TMEM45A: variants seen among roughly 807,000 people sequenced by gnomAD.
The protein encoded by TMEM45A is DNA polymerase-transactivated protein 4.
A neutral mutation model predicts 32.0 loss-of-function variants in TMEM45A; 25 were observed. The ratio of observed to expected loss-of-function variants is 0.78; its 90% CI spans 0.57 to 1.09. The LOEUF is 1.09. TMEM45A is among the 50% of genes least tolerant of loss of function. The probability of loss-of-function intolerance (pLI) is 0.00; values close to 1 mark genes in which losing one functional copy is unlikely to be tolerated. For synonymous variants in TMEM45A, 122 were observed against 114.8 expected, an observed-to-expected ratio of 1.06 and a Z score of -0.40; for missense variants, 302 against 325.0, an observed-to-expected ratio of 0.93 and a Z score of 0.54.
At position 100,577,188 on chromosome 3, in the gene TMEM45A, C is replaced by T. The variant is rs531791924; in HGVS notation, c.*170C>T. On this transcript the variant is annotated 3_prime_UTR_variant, in exon 6 of 6. Coordinates refer to ENST00000323523, the MANE Select transcript of TMEM45A (RefSeq NM_018004.3). ...TTGAATTTAAATATTTTCTTTTTAGCTTTGAAAATATTTTGGGTGATACTT... is the reference window on the plus strand; with the variant it reads ...TTGAATTTAAATATTTTCTTTTTAGTTTTGAAAATATTTTGGGTGATACTT... 4 of 539,986 alleles carry T rather than the reference C, an allele frequency of 7.4e-6. No homozygotes were observed. The highest frequency in any genetic ancestry group is 1.3e-5 in the Non-Finnish European group (4 of 317,438). The allele number at this position is 539,986 out of a possible 1,614,324, so 33.4% of individuals were successfully genotyped here.
chr3:100,536,058 G>A (rs56083064), intron 1 of TMEM45A, among the ~76,000 whole-genome samples: 1 of 152,112 alleles, frequency 6.6e-6, no homozygotes, highest in African/African-American at 2.4e-5. Context: ...AATATCCATA[G>A]ATATTTTTGG....
intron 1 of TMEM45A, among the ~76,000 whole-genome samples, chr3:100,515,906 A>G (rs1009559215): frequency 6.6e-6 from 1 of 152,192 alleles, no homozygotes; most frequent in Non-Finnish European, 1.5e-5. Context: ...ATATAGAAAA[A>G]TAAGTTCTAG....
intron 4 of TMEM45A, among the ~76,000 whole-genome samples, chr3:100,563,962 C>T (rs1273685083): frequency 1.3e-5 from 2 of 152,210 alleles, no homozygotes; most frequent in African/African-American, 4.8e-5. Flanking sequence ...CACATCTTGC[C>T]TTTAGAATAT....
chr3:100,576,932 A>C lies in TMEM45A; in HGVS notation c.742A>C (p.Lys248Gln). The change falls in exon 6 of 6, where the codon AAA (lysine) becomes CAA (glutamine). Residue 248 changes from lysine (K) to glutamine (Q), a missense_variant. By Grantham distance (53) the Lys-to-Gln change is moderately conservative. Coordinates refer to ENST00000323523, the MANE Select transcript of TMEM45A (RefSeq NM_018004.3). The part of the protein sequence containing the change: ...MNYAFITWLV[K>Q]SRLKRLCSSE... ...GCTTTTCTTTCTCCTCAGGTTGGTTAAATCTAGACTTAAGAGGCTCTGCTC... is the reference window on the plus strand; with the variant it reads ...GCTTTTCTTTCTCCTCAGGTTGGTTCAATCTAGACTTAAGAGGCTCTGCTC... 4.3e-6 allele frequency: 7 copies of C among 1,612,316 alleles called. No individual in the cohort carries two copies. The highest frequency in any genetic ancestry group is 5.9e-6 in the Non-Finnish European group (7 of 1,179,164).
chr3:100,554,163 C>T (rs766694765), intron 1 of TMEM45A, among the ~76,000 whole-genome samples: 4 of 151,822 alleles, frequency 2.6e-5, no homozygotes, highest in Non-Finnish European at 5.9e-5. Context: ...TAATTAAAAA[C>T]TCACATAATT....
At chr3:100,526,388 C>G (rs1206494257) in intron 1 of TMEM45A, among the ~76,000 whole-genome samples, 8 of 152,182 alleles carry the variant, frequency 5.3e-5, no homozygotes. Context: ...GCCAGGCATA[C>G]TTGAGTCATC....
intron 1 of TMEM45A, among the ~76,000 whole-genome samples, chr3:100,554,873 C>T (rs375599251): frequency 2.2e-4 from 33 of 152,300 alleles, no homozygotes; most frequent in African/African-American, 7.0e-4. Flanking sequence ...GGTCTAACCT[C>T]TCTAAATGAG....
In TMEM45A at chr3:100,492,755, T is replaced by TCCCCCCCCCCC. The variant is rs755848570; in HGVS notation, c.-175_-174insCCCCCCCCCCC. 25 of 143,510 alleles carry TCCCCCCCCCCC rather than the reference T, an allele frequency of 1.7e-4. No homozygotes were observed. Among genetic ancestry groups the TCCCCCCCCCCC allele is most frequent in the African/African-American group, 2.4e-4 (9 of 36,828 alleles). The allele number at this position is 143,510 out of a possible 1,614,324, so 8.9% of individuals were successfully genotyped here. ...CGACTAGGGACCCAAGTTTAAAAAT[T>TCCCCCCCCCCC]CCTCCCCCCACCCAATGCGAGACGT... On this transcript the variant is annotated 5_prime_UTR_variant, in exon 1 of 6. Coordinates refer to ENST00000323523, the MANE Select transcript of TMEM45A (RefSeq NM_018004.3).
intron 1 of TMEM45A, among the ~76,000 whole-genome samples, chr3:100,539,622 C>T (rs1705824909): frequency 1.3e-5 from 2 of 152,046 alleles, no homozygotes; most frequent in African/African-American, 4.8e-5. Context: ...GTGTCCAAAG[C>T]CCTGAGGACC....
chr3:100,543,946 T>C lies in TMEM45A; in HGVS notation c.-3-11263T>C, dbSNP rs1450565976. Reference sequence around the variant, plus strand: ...CATCTGTAAAATGGGGGCGATAGCATTACCTATTTCAGAGGTTTGTTTTGA... The same window carrying C: ...CATCTGTAAAATGGGGGCGATAGCACTACCTATTTCAGAGGTTTGTTTTGA... On this transcript the variant is annotated intron_variant, in intron 1 of 5. Coordinates refer to ENST00000323523, the MANE Select transcript of TMEM45A (RefSeq NM_018004.3). Among the ~76,000 whole-genome samples, 11 of 152,288 alleles carry C rather than the reference T, an allele frequency of 7.2e-5. No individual in the cohort carries two copies. The South Asian group carries it at 1.0e-3, about 14-fold the overall frequency.
At chr3:100,571,791 T>C (rs1706567224) in intron 5 of TMEM45A, 2 of 152,150 alleles carry the variant, frequency 1.3e-5, no homozygotes, top group South Asian at 4.1e-4. Context: ...GATGTTCCCC[T>C]TCTTGTGTCC....
chr3:100,535,897 A>G (rs540731277), intron 1 of TMEM45A, among the ~76,000 whole-genome samples: 6 of 152,240 alleles, frequency 3.9e-5, no homozygotes, highest in Non-Finnish European at 7.3e-5. Context: ...TGGATAAAAT[A>G]GTTAACAGCT....
At chr3:100,533,155 G>A (rs1005744788) in intron 1 of TMEM45A, among the ~76,000 whole-genome samples, 2 of 151,982 alleles carry the variant, frequency 1.3e-5, no homozygotes, top group Non-Finnish European at 2.9e-5. Context: ...TGCAGTTGGC[G>A]AGGTCAACCA....
chr3:100,573,304 A>T (rs1706610410), intron 5 of TMEM45A: 1 of 151,660 alleles, frequency 6.6e-6, no homozygotes, highest in Admixed American at 6.6e-5. Flanking sequence ...TTCTCCTTGA[A>T]GAGGTCCTTC....
Position 100,577,203 on chromosome 3 carries a change from G to T in TMEM45A, c.*185G>T. On this transcript the variant is annotated 3_prime_UTR_variant, in exon 6 of 6. Coordinates refer to ENST00000323523, the MANE Select transcript of TMEM45A (RefSeq NM_018004.3). ...TTCTTTTTAGCTTTGAAAATATTTTGGGTGATACTTTCATTTTGCACATCA... is the reference window on the plus strand; with the variant it reads ...TTCTTTTTAGCTTTGAAAATATTTTTGGTGATACTTTCATTTTGCACATCA... The T allele has an allele frequency of 2.0e-6, 1 of 509,634 alleles. No homozygotes were observed. The highest frequency in any genetic ancestry group is 2.5e-5 in the South Asian group (1 of 39,680). 31.6% of individuals were successfully genotyped at this position (509,634 alleles called of 1,614,324 possible).
chr3:100,520,180 T>A (rs4075020), intron 1 of TMEM45A, among the ~76,000 whole-genome samples: 60,304 of 151,956 alleles, frequency 0.4, 15,510 homozygotes, highest in African/African-American at 0.71. Flanking sequence ...TGTTACAGGG[T>A]AAATAAAGCA....
At chr3:100,513,959 G>C (rs374074098) in intron 1 of TMEM45A, among the ~76,000 whole-genome samples, 4 of 152,038 alleles carry the variant, frequency 2.6e-5, no homozygotes, top group Non-Finnish European at 5.9e-5. Context: ...ACAAACCACT[G>C]CTCAAGGAAA....
rs139023032 is a variant in TMEM45A at position 100,501,679 on chromosome 3, A to G, written c.-4+8751A>G. ...CTGAAAGGTGGAATCTTTCTCACCA[A>G]TATTTGTAGAGCTCCTATTAACTTC... On this transcript the variant is annotated intron_variant, in intron 1 of 5. Coordinates refer to ENST00000323523, the MANE Select transcript of TMEM45A (RefSeq NM_018004.3). Among the ~76,000 whole-genome samples, 15 of 152,354 alleles carry G rather than the reference A, an allele frequency of 9.8e-5. No individual in the cohort carries two copies. In the East Asian group the frequency reaches 2.9e-3, roughly 29 times the overall value.
intron 4 of TMEM45A, among the ~76,000 whole-genome samples, chr3:100,559,696 A>T (rs942234351): frequency 5.3e-5 from 8 of 152,234 alleles, no homozygotes; most frequent in African/African-American, 1.7e-4. Context: ...ATAGACGGAA[A>T]ACATTTTAAA....
Sources: gnomAD v4.1 joint callset for allele counts (sites outside exome capture counted in the v4.1 genomes callset) on GRCh38, gnomAD v4.1.1 for gene constraint, MANE v1.5 for transcripts, NCBI Gene and HGNC (gene_info 2026-07-23, HGNC 2026-07-21) for gene names.